Variants in KIAA1958 observed in about 807,000 individuals in gnomAD.
KIAA1958 encodes KIAA1958.
A neutral mutation model predicts 47.2 loss-of-function variants in KIAA1958; 14 were observed. That is an observed-to-expected ratio of 0.30 (90% CI 0.20 to 0.46). The LOEUF is 0.46. Ranked by LOEUF, KIAA1958 falls within the 20% of genes least tolerant of loss-of-function variation. The pLI, the probability that KIAA1958 is intolerant of heterozygous loss-of-function variation, is 1.00. For missense variants in KIAA1958, 803 were observed against 909.2 expected (o/e 0.88, Z 1.50); for synonymous variants, 354 against 353.3 (o/e 1.00, Z -0.02).
intron 1 of KIAA1958, among the ~76,000 whole-genome samples, chr9:112,520,009 T>C (rs1220766989): frequency 6.6e-6 from 1 of 152,202 alleles, no homozygotes; most frequent in Non-Finnish European, 1.5e-5. Flanking sequence ...CTTGGTGATA[T>C]GTCATCTTAA....
chr9:112,590,558 G>T (rs1441517699), intron 2 of KIAA1958, among the ~76,000 whole-genome samples: 1 of 151,946 alleles, frequency 6.6e-6, no homozygotes, highest in East Asian at 1.9e-4. Context: ...CACTGTGTTC[G>T]CCAGACTGGT....
At chr9:112,500,390 C>T (rs925339505) in intron 1 of KIAA1958, among the ~76,000 whole-genome samples, 5 of 152,186 alleles carry the variant, frequency 3.3e-5, no homozygotes, top group South Asian at 2.1e-4. Context: ...CAAAACACCA[C>T]GCCTGGCTTT....
intron 1 of KIAA1958, among the ~76,000 whole-genome samples, chr9:112,545,410 G>A (rs1025027401): frequency 2.6e-5 from 4 of 152,144 alleles, no homozygotes; most frequent in Non-Finnish European, 5.9e-5. Flanking sequence ...ACCATATTGA[G>A]GGAGAATGGG....
intron 2 of KIAA1958, among the ~76,000 whole-genome samples, chr9:112,611,830 A>C (rs1225500859): frequency 2.6e-5 from 4 of 152,060 alleles, no homozygotes; most frequent in African/African-American, 7.2e-5. Context: ...TCAATTATTA[A>C]GACAAATTTT....
At chr9:112,577,643 T>A (rs930403642) in intron 2 of KIAA1958, among the ~76,000 whole-genome samples, 1 of 152,050 alleles carries the variant, frequency 6.6e-6, no homozygotes, top group Admixed American at 6.6e-5. Flanking sequence ...TTTTCACTAA[T>A]CCCTGCAAAG....
intron 2 of KIAA1958, among the ~76,000 whole-genome samples, chr9:112,633,073 T>C (rs1836739658): frequency 6.6e-6 from 1 of 152,146 alleles, no homozygotes; most frequent in African/African-American, 2.4e-5. Context: ...GAGTCTTTAT[T>C]ATACCCTCAC....
Position 112,539,880 on chromosome 9 carries a change from G to A in KIAA1958, c.-24-34177G>A, listed in dbSNP as rs149116844. Among the ~76,000 whole-genome samples the A allele has an allele frequency of 3.8e-3, 579 of 152,008 alleles. 5 individuals are homozygous for A. Among genetic ancestry groups the A allele is most frequent in the African/African-American group, 0.013 (559 of 41,430 alleles). ...TAATTTTTTCTATTTTTTGAGTGAC[G>A]GGGTTTCACCATGTTGGCCAGGTTG... On this transcript the variant is annotated intron_variant, in intron 1 of 3. Coordinates refer to ENST00000337530, the MANE Select transcript of KIAA1958 (RefSeq NM_133465.4).
intron 1 of KIAA1958, among the ~76,000 whole-genome samples, chr9:112,503,600 G>C (rs927503702): frequency 1.6e-5 from 2 of 128,842 alleles, no homozygotes; most frequent in African/African-American, 6.0e-5. Flanking sequence ...CTGGGCAACA[G>C]AGCGAGACCC....
At chr9:112,619,860 C>CA (rs1168952999) in intron 2 of KIAA1958, among the ~76,000 whole-genome samples, 1 of 151,962 alleles carries the variant, frequency 6.6e-6, no homozygotes, top group Non-Finnish European at 1.5e-5. Flanking sequence ...GTCGAGACAA[C>CA]AAAAAAACTC....
At chr9:112,650,403 GCATA>G (rs1309145621) in intron 3 of KIAA1958, among the ~76,000 whole-genome samples, 2 of 152,128 alleles carry the variant, frequency 1.3e-5, no homozygotes, top group Non-Finnish European at 2.9e-5. Flanking sequence ...AGGAAAAAAT[GCATA>G]CAGCAATAGC....
intron 1 of KIAA1958, among the ~76,000 whole-genome samples, chr9:112,508,298 A>T (rs948019814): frequency 6.6e-6 from 1 of 152,230 alleles, no homozygotes; most frequent in Admixed American, 6.5e-5. Context: ...GTATGCATCT[A>T]GTTAAATCAT....
intron 2 of KIAA1958, among the ~76,000 whole-genome samples, chr9:112,610,446 A>T (rs1404399125): frequency 6.6e-6 from 1 of 152,014 alleles, no homozygotes; most frequent in African/African-American, 2.4e-5. Flanking sequence ...AGATAACCAA[A>T]AGGGGTATGG....
chr9:112,625,031 C>T (rs1303748943), intron 2 of KIAA1958, among the ~76,000 whole-genome samples: 1 of 11,970 alleles, frequency 8.4e-5, no homozygotes, highest in East Asian at 3.2e-3. Flanking sequence ...CCTACCCCCT[C>T]CCCTCCTTTG....
intron 1 of KIAA1958, among the ~76,000 whole-genome samples, chr9:112,495,483 C>T (rs531860142): frequency 2.0e-5 from 3 of 152,158 alleles, no homozygotes; most frequent in African/African-American, 4.8e-5. Context: ...ATTGTACACT[C>T]ACTAGAATGG....
chr9:112,563,053 CTCTCTGTCTCTG>C, intron 1 of KIAA1958, among the ~76,000 whole-genome samples: 1 of 112,392 alleles, frequency 8.9e-6, no homozygotes, highest in South Asian at 3.2e-4. Context: ...TTCTCTCTCT[CTCTCTGTCTCTG>C]TCTCTCTCTC....
intron 1 of KIAA1958, among the ~76,000 whole-genome samples, chr9:112,530,340 T>C (rs996138078): frequency 6.6e-6 from 1 of 152,254 alleles, no homozygotes; most frequent in Non-Finnish European, 1.5e-5. Context: ...AACTGACTCC[T>C]GTGTCCCTTT....
At chr9:112,515,969 G>A (rs1005714105) in intron 1 of KIAA1958, among the ~76,000 whole-genome samples, 1 of 146,050 alleles carries the variant, frequency 6.8e-6, no homozygotes, top group Admixed American at 6.9e-5. Flanking sequence ...GGAGTTTCTA[G>A]ACAGTGAAAT....
At chr9:112,603,082 A>T (rs934772518) in intron 2 of KIAA1958, among the ~76,000 whole-genome samples, 2 of 152,172 alleles carry the variant, frequency 1.3e-5, no homozygotes, top group African/African-American at 4.8e-5. Flanking sequence ...CTCATGGTCC[A>T]TTGGGGAGAG....
chr9:112,541,976 A>G (rs1197397790), intron 1 of KIAA1958, among the ~76,000 whole-genome samples: 1 of 152,222 alleles, frequency 6.6e-6, no homozygotes, highest in Non-Finnish European at 1.5e-5. Context: ...TTTGCCAAAA[A>G]TAAGCAAATA....
Sources: allele counts gnomAD v4.1 joint callset (sites outside exome capture counted in the v4.1 genomes callset), GRCh38; gene constraint gnomAD v4.1.1; transcripts MANE v1.5; gene names NCBI Gene and HGNC (gene_info 2026-07-23, HGNC 2026-07-21).